The following CCDC171 variants were observed in gnomAD, a reference collection of about 807,000 sequenced individuals.
The protein encoded by CCDC171 is coiled-coil domain containing 171.
CCDC171 carries 177 observed loss-of-function variants against 168.2 expected under a neutral mutation model. The ratio of observed to expected loss-of-function variants is 1.05; its 90% CI spans 0.93 to 1.19. The LOEUF is 1.19. Among genes scored for constraint, CCDC171 ranks in the 50% most tolerant of loss-of-function variants. The pLI is 0.00. For synonymous variants in CCDC171, 687 were observed against 540.8 expected (o/e 1.27, Z -3.75); for missense variants, 1,991 against 1,539.0 (o/e 1.29, Z -4.91).
intron 10 of CCDC171, among the ~76,000 whole-genome samples, chr9:15,692,595 T>G (rs1486732933): frequency 1.3e-4 from 19 of 150,842 alleles, no homozygotes; most frequent in Admixed American, 2.6e-4. Context: ...TGGCGCGATG[T>G]CGGCTCACTG....
the CCDC171 span, among the ~76,000 whole-genome samples, chr9:16,075,990 A>C: frequency 1.8e-4 from 27 of 152,294 alleles, no homozygotes; most frequent in African/African-American, 6.5e-4. Flanking sequence ...CATAAAATGT[A>C]CTCCTTATTG....
intron 24 of CCDC171, among the ~76,000 whole-genome samples, chr9:15,902,039 T>C (rs1183519839): frequency 6.6e-6 from 1 of 152,144 alleles, no homozygotes; most frequent in Non-Finnish European, 1.5e-5. Flanking sequence ...TGTAGAACTT[T>C]TCTTTGATGG....
intron 4 of CCDC171, among the ~76,000 whole-genome samples, chr9:15,590,769 TTCTCTTTCTTTCTTTC>T (rs1563999463): frequency 9.6e-6 from 1 of 104,590 alleles, no homozygotes. Context: ...CTTTCTTTCT[TTCTCTTTCTTTCTTTC>T]TTTCTTTCTT....
At chr9:15,942,013 T>A (rs879767157) in intron 25 of CCDC171, among the ~76,000 whole-genome samples, 38 of 151,974 alleles carry the variant, frequency 2.5e-4, no homozygotes, top group Non-Finnish European at 5.2e-4. Flanking sequence ...ATATGCTGAT[T>A]TCTTGCTTGG....
intron 8 of CCDC171, among the ~76,000 whole-genome samples, chr9:15,661,940 C>T (rs921122339): frequency 1.1e-4 from 17 of 152,140 alleles, no homozygotes; most frequent in Non-Finnish European, 2.9e-5. Context: ...AAATTTAAAT[C>T]GAGTTGTATC....
chr9:15,773,703 A>ATTTTTTTTTTT (rs71325932), intron 18 of CCDC171, among the ~76,000 whole-genome samples: 1 of 151,046 alleles, frequency 6.6e-6, no homozygotes, highest in Non-Finnish European at 1.5e-5. Context: ...TCACTAGAGG[A>ATTTTTTTTTTT]TTTTTTTTTG....
chr9:15,700,813 A>G (rs552337445), intron 11 of CCDC171, among the ~76,000 whole-genome samples: 2 of 152,074 alleles, frequency 1.3e-5, no homozygotes, highest in South Asian at 2.1e-4. Context: ...AGAAATCTCC[A>G]TACTATTTTC....
intron 11 of CCDC171, among the ~76,000 whole-genome samples, chr9:15,703,429 C>G (rs1564247162): frequency 6.6e-6 from 1 of 152,218 alleles, no homozygotes; most frequent in African/African-American, 2.4e-5. Flanking sequence ...CCACCACCAG[C>G]CTCTGATAAC....
At chr9:15,857,125 AC>A (rs1352808585) in intron 23 of CCDC171, among the ~76,000 whole-genome samples, 1 of 151,832 alleles carries the variant, frequency 6.6e-6, no homozygotes, top group Non-Finnish European at 1.5e-5. Context: ...AGAAATTAAA[AC>A]CCTCATGTGG....
intron 21 of CCDC171, among the ~76,000 whole-genome samples, chr9:15,841,378 A>G (rs898868308): frequency 6.6e-6 from 1 of 152,078 alleles, no homozygotes; most frequent in Non-Finnish European, 1.5e-5. Context: ...AAGTGTAATT[A>G]TTAATCCTGC....
upstream of CCDC171, among the ~76,000 whole-genome samples, chr9:16,039,256 T>C (rs1833531900): frequency 6.6e-6 from 1 of 152,188 alleles, no homozygotes; most frequent in Admixed American, 6.5e-5. Context: ...TGCTGTCACC[T>C]GTGCAGGACT....
At position 16,059,716 on chromosome 9, in the gene CCDC171, T is replaced by G. The variant is rs202237302; in HGVS notation, n.90-930T>G. Among the ~76,000 whole-genome samples the G allele has an allele frequency of 6.0e-5, 9 of 150,360 alleles. 1 individual carries two copies. The South Asian group carries it at 6.3e-4, about 11-fold the overall frequency. ...TTTTTAGTAGAGACGGGGTTTCACC[T>G]TGTTAGCCAGGATGGTCTCGATCGC... On this transcript the variant is annotated intron_variant and non_coding_transcript_variant, in intron 1 of 1. Coordinates refer to the CCDC171 transcript ENST00000478913.
At chr9:15,974,228 A>G (rs1173405459), downstream of CCDC171, among the ~76,000 whole-genome samples, 1 of 152,038 alleles carries the variant, frequency 6.6e-6, no homozygotes, top group African/African-American at 2.4e-5. Flanking sequence ...ATATAGTAAT[A>G]TTTATACCAT....
chr9:15,701,224 G>T (rs936898264), intron 11 of CCDC171, among the ~76,000 whole-genome samples: 1 of 152,004 alleles, frequency 6.6e-6, no homozygotes, highest in Non-Finnish European at 1.5e-5. Flanking sequence ...TTCCTTTGCT[G>T]GGCAGAAGCT....
At chr9:15,694,024 C>G (rs937170104) in intron 10 of CCDC171, among the ~76,000 whole-genome samples, 1 of 152,140 alleles carries the variant, frequency 6.6e-6, no homozygotes, top group Non-Finnish European at 1.5e-5. Flanking sequence ...CAATGACTTC[C>G]AAACCCAGGA....
chr9:15,979,103 T>G (rs1831712411), intron 3 of CCDC171, among the ~76,000 whole-genome samples: 1 of 152,242 alleles, frequency 6.6e-6, no homozygotes, highest in Non-Finnish European at 1.5e-5. Flanking sequence ...TTCCACTATA[T>G]GAATAGACCA....
At position 15,846,771 on chromosome 9, in the gene CCDC171, AC is replaced by A. The variant is rs1396455671; in HGVS notation, c.3340del (p.Gln1114SerfsTer34). 6.2e-7 allele frequency: 1 copy of A among 1,612,762 alleles called. No individual in the cohort carries two copies. The highest frequency in any genetic ancestry group is 8.5e-7 in the Non-Finnish European group (1 of 1,179,326). On this transcript the variant is annotated frameshift_variant, in exon 22 of 26. Transcript: ENST00000380701. LOFTEE classifies it high-confidence loss of function. The part of the protein sequence containing the change: ...QSLRQLNRHL[T>X]QLEQDKRRLE... ...TCTGCGTCAGCTCAATAGACATCTT[AC>A]CCAGCTGGAGCAGGACAAGCGTCGA...
intron 3 of CCDC171, among the ~76,000 whole-genome samples, chr9:16,006,899 C>G (rs1354481811): frequency 6.6e-6 from 1 of 152,176 alleles, no homozygotes; most frequent in Non-Finnish European, 1.5e-5. Context: ...CATACGTGTG[C>G]ATGTGTCTTT....
the CCDC171 span, among the ~76,000 whole-genome samples, chr9:16,069,698 G>C: frequency 1.3e-5 from 2 of 152,214 alleles, no homozygotes; most frequent in Non-Finnish European, 2.9e-5. Context: ...TTCACAGTGA[G>C]AGGAAACCTC....
Sources: allele counts gnomAD v4.1 joint callset (sites outside exome capture counted in the v4.1 genomes callset), GRCh38; gene constraint gnomAD v4.1.1; transcripts MANE v1.5; gene names NCBI Gene and HGNC (gene_info 2026-07-23, HGNC 2026-07-21).